GNPDA2: variants seen among roughly 807,000 people sequenced by gnomAD.
GNPDA2 encodes the protein glcN6P deaminase 2.
GNPDA2 carries 24 observed loss-of-function variants against 27.0 expected under a neutral mutation model. That is an observed-to-expected ratio of 0.89 (90% CI 0.64 to 1.25). GNPDA2 has a LOEUF of 1.25. Ranked by LOEUF, GNPDA2 falls within the 50% of genes most tolerant of loss-of-function variation. GNPDA2 has a pLI of 0.00. For synonymous variants in GNPDA2, 94 were observed against 108.4 expected (o/e 0.87, Z 0.83); for missense variants, 286 against 335.1 (o/e 0.85, Z 1.14).
intron 3 of GNPDA2, 135 bp from the exon 4 acceptor site, chr4:44,717,430 G>A: frequency 1.9e-6 from 1 of 515,964 alleles, no homozygotes; most frequent in Non-Finnish European, 3.3e-6. Context: ...TTCTTATGTG[G>A]AATATATGAT....
intron 1 of GNPDA2, among the ~76,000 whole-genome samples, chr4:44,724,236 T>C (rs1002861479): frequency 6.6e-6 from 1 of 152,182 alleles, no homozygotes; most frequent in Non-Finnish European, 1.5e-5. Context: ...CAGACCTTGG[T>C]GTTTTCCTTT....
intron 1 of GNPDA2, among the ~76,000 whole-genome samples, chr4:44,724,938 C>G (rs1385127465): frequency 6.6e-6 from 1 of 151,952 alleles, no homozygotes; most frequent in East Asian, 1.9e-4. Flanking sequence ...TAGAGTTAAA[C>G]CAAAGAATCA....
In GNPDA2 at chr4:44,711,048, T is replaced by C. The variant is rs781372420; in HGVS notation, c.499A>G (p.Ile167Val). The C allele has an allele frequency of 2.5e-6, 4 of 1,613,322 alleles. No homozygotes were observed. Among genetic ancestry groups the C allele is most frequent in the Non-Finnish European group, 3.4e-6 (4 of 1,179,578 alleles). ...TRLKTLAMDT[I>V]LANAKYFDGD... ...TCAAAATATTTGGCATTTGCCAAGA[T>C]GGTATCCATTGCTAGAGTCTTTAAT... Residue 167 changes from isoleucine (I) to valine (V), a missense_variant, in exon 5 of 7, where the codon ATC (isoleucine) becomes GTC (valine). Physicochemically the swap from Ile to Val is conservative, Grantham distance 29 (BLOSUM62 3). Transcript: ENST00000295448.
intron 5 of GNPDA2, among the ~76,000 whole-genome samples, chr4:44,708,642 C>T (rs1000351206): frequency 9.2e-5 from 14 of 151,938 alleles, no homozygotes; most frequent in Admixed American, 2.6e-4. Context: ...GTGTATGTGT[C>T]GGAATCTTTT....
chr4:44,708,511 GA>G (rs1716756646), intron 5 of GNPDA2, among the ~76,000 whole-genome samples: 1 of 37,102 alleles, frequency 2.7e-5, no homozygotes, highest in East Asian at 5.5e-4. Context: ...AAGCACATAG[GA>G]ACTGTCTTAT....
chr4:44,703,041 G>T lies in GNPDA2; in HGVS notation c.*40C>A, dbSNP rs1430910744. ...AAATTCATCTACTACTTAGTAAAAA[G>T]TGCTCTGTTCATTCAAGCTGAATTT... On this transcript the variant is annotated 3_prime_UTR_variant, in exon 7 of 7. Coordinates refer to ENST00000295448, the MANE Select transcript of GNPDA2 (RefSeq NM_138335.3). The T allele has an allele frequency of 6.2e-7, 1 of 1,606,382 alleles. No individual in the cohort carries two copies. The highest frequency in any genetic ancestry group is 1.7e-5 in the Admixed American group (1 of 58,624).
At chr4:44,722,651 G>T (rs954570981) in intron 1 of GNPDA2, among the ~76,000 whole-genome samples, 6 of 152,050 alleles carry the variant, frequency 3.9e-5, no homozygotes, top group African/African-American at 1.4e-4. Flanking sequence ...ATTGTATTAG[G>T]TATTATAAGT....
At chr4:44,725,493 A>C (rs73181492) in intron 1 of GNPDA2, among the ~76,000 whole-genome samples, 4,342 of 152,282 alleles carry the variant, frequency 0.029, 199 homozygotes, top group African/African-American at 0.1. Flanking sequence ...ATCACAGGGG[A>C]TATTCATAAT....
At chr4:44,722,912 G>A (rs778933620) in intron 1 of GNPDA2, among the ~76,000 whole-genome samples, 14 of 152,130 alleles carry the variant, frequency 9.2e-5, no homozygotes, top group Admixed American at 5.2e-4. Context: ...CAGGTAGTAA[G>A]CAACAAGGTC....
chr4:44,722,291 A>C, intron 1 of GNPDA2, 49 bp from the exon 2 acceptor site: 2 of 1,371,830 alleles, frequency 1.5e-6, no homozygotes, highest in Non-Finnish European at 2.0e-6. Context: ...CAGATAATTT[A>C]AATTCAGTAA....
intron 4 of GNPDA2, among the ~76,000 whole-genome samples, chr4:44,712,501 C>A (rs1717037963): frequency 6.7e-6 from 1 of 149,160 alleles, no homozygotes. Flanking sequence ...TATGCATTGA[C>A]TGTTTCTACT....
At chr4:44,722,571 C>A (rs905374470) in intron 1 of GNPDA2, among the ~76,000 whole-genome samples, 2 of 152,112 alleles carry the variant, frequency 1.3e-5, no homozygotes, top group Non-Finnish European at 2.9e-5. Flanking sequence ...CTGTATTAAA[C>A]AGGTACAGAC....
At chr4:44,709,601 A>G (rs1215167218) in intron 5 of GNPDA2, among the ~76,000 whole-genome samples, 1 of 152,114 alleles carries the variant, frequency 6.6e-6, no homozygotes, top group East Asian at 1.9e-4. Flanking sequence ...ACACTATTTT[A>G]AAAGGTTATG....
rs1244420997 is a variant in GNPDA2, at chr4:44,714,403, A to G, written c.409+2710T>C. ...ATCAGAGGAGGAATTAGAACATTTG[A>G]GTATGTATTTCCTCCTTTTTCTTTC... On this transcript the variant is annotated intron_variant, in intron 4 of 6. Transcript: ENST00000295448. 3 of 985,254 alleles carry G rather than the reference A, an allele frequency of 3.0e-6. No homozygotes were observed. In the African/African-American group the frequency reaches 5.2e-5, roughly 17 times the overall value. The allele number at this position is 985,254 out of a possible 1,614,324, so 61.0% of individuals were successfully genotyped here.
rs757794300 is a variant in GNPDA2 at position 44,711,046 on chromosome 4, G to C, written c.501C>G (p.Ile167Met). Residue 167 changes from isoleucine (I) to methionine (M), a missense_variant, in exon 5 of 7, where the codon ATC (isoleucine) becomes ATG (methionine). Ile to Met is a conservative substitution (Grantham distance 10). Transcript: ENST00000295448. ...CATCAAAATATTTGGCATTTGCCAA[G>C]ATGGTATCCATTGCTAGAGTCTTTA... is the stretch of plus-strand genomic sequence containing the variant. ...TRLKTLAMDT[I>M]LANAKYFDGD... 6.2e-7 allele frequency: 1 copy of C among 1,613,288 alleles called. No homozygotes were observed. Among genetic ancestry groups the C allele is most frequent in the Non-Finnish European group, 8.5e-7 (1 of 1,179,502 alleles).
chr4:44,707,830 G>C lies in GNPDA2; in HGVS notation c.691C>G (p.Gln231Glu), dbSNP rs780900188. The change falls in exon 6 of 7, where the codon CAG (glutamine) becomes GAG (glutamate). Residue 231 changes from glutamine to glutamate, a missense_variant. Coordinates refer to ENST00000295448, the MANE Select transcript of GNPDA2 (RefSeq NM_138335.3). ...NHMWTVSAFQ[Q>E]HPRTIFVCDE... Reference sequence around the variant, plus strand: ...CATACAAAAATAGTCCGGGGATGCTGCTGGAAAGCGGAAACAGTCCACATG... The same window carrying C: ...CATACAAAAATAGTCCGGGGATGCTCCTGGAAAGCGGAAACAGTCCACATG... The C allele has an allele frequency of 5.0e-6, 8 of 1,613,172 alleles. No homozygotes were observed. The highest frequency in any genetic ancestry group is 1.7e-5 in the Admixed American group (1 of 59,874).
chr4:44,718,518 T>C, intron 2 of GNPDA2, 108 bp from the exon 3 acceptor site: 1 of 381,512 alleles, frequency 2.6e-6, no homozygotes, highest in Non-Finnish European at 4.8e-6. Context: ...TCTGTAGTTC[T>C]GATTTATTAG....
At chr4:44,710,518 GGAA>G (rs1716907096) in intron 5 of GNPDA2, among the ~76,000 whole-genome samples, 1 of 152,070 alleles carries the variant, frequency 6.6e-6, no homozygotes, top group Non-Finnish European at 1.5e-5. Context: ...CTTTTCTGCT[GGAA>G]ACCAACAGGG....
intron 4 of GNPDA2, among the ~76,000 whole-genome samples, chr4:44,713,965 T>A (rs992824620): frequency 2.0e-5 from 3 of 152,200 alleles, no homozygotes; most frequent in African/African-American, 7.2e-5. Flanking sequence ...ACTAGATTTT[T>A]AAAATTATTT....
Sources: allele counts gnomAD v4.1 joint callset (sites outside exome capture counted in the v4.1 genomes callset), GRCh38; gene constraint gnomAD v4.1.1; transcripts MANE v1.5; gene names NCBI Gene and HGNC (gene_info 2026-07-23, HGNC 2026-07-21).